The following FAAP20 variants were observed in gnomAD, a reference collection of about 807,000 sequenced individuals.
FAAP20 encodes the protein Fanconi anemia core complex-associated protein 20.
Under a neutral mutation model 16.2 loss-of-function variants are expected in FAAP20, and 12 were observed. The observed-to-expected ratio is 0.74, with a 90% CI of 0.48 to 1.20. FAAP20 has a LOEUF of 1.20. FAAP20 is among the 50% of genes most tolerant of loss of function. FAAP20 has a pLI of 0.00. For missense variants in FAAP20, 288 were observed against 245.8 expected, an observed-to-expected ratio of 1.17 and a Z score of -1.15; for synonymous variants, 141 against 110.7, an observed-to-expected ratio of 1.27 and a Z score of -1.72.
chr1:2,184,651 T>C (rs1687283592), downstream of FAAP20: 2 of 1,613,952 alleles, frequency 1.2e-6, no homozygotes, highest in Admixed American at 1.7e-5. Flanking sequence ...TGGACAACTT[T>C]GACACACAGT....
At chr1:2,206,968 GA>G (rs994602270) in intron 1 of FAAP20, among the ~76,000 whole-genome samples, 15 of 152,222 alleles carry the variant, frequency 9.9e-5, no homozygotes, top group African/African-American at 3.6e-4. Context: ...TGTCCAGGAG[GA>G]GGGGAGACTT....
chr1:2,194,733 C>T lies in FAAP20; in HGVS notation c.17G>A (p.Arg6Lys). 1 of 1,195,376 alleles carries T rather than the reference C, an allele frequency of 8.4e-7. No individual in the cohort carries two copies. Among genetic ancestry groups the T allele is most frequent in the Non-Finnish European group, 1.0e-6 (1 of 966,364 alleles). 74.0% of individuals were successfully genotyped at this position (1,195,376 alleles called of 1,614,324 possible). A position where few individuals can be genotyped will look rare whatever the true frequency, so the allele number is the denominator to read the frequency against. ...CCGGCGGCTCAACCCCAGCCGCGGC[C>T]TCCGCGCCGCCTCCATCCAAGCCCG... MEAAR[R>K]PRLGLSRRRP... Residue 6 changes from arginine to lysine, a missense_variant, in exon 1 of 4, where the codon AGG (arginine) becomes AAG (lysine). Physicochemically the swap from Arg to Lys is conservative, Grantham distance 26. Transcript: ENST00000378546.
chr1:2,201,292 G>T (rs770005035), upstream of FAAP20: 22 of 1,115,306 alleles, frequency 2.0e-5, no homozygotes, highest in Non-Finnish European at 2.5e-5. Context: ...TCAGGGACAC[G>T]CACGGTGAGC....
chr1:2,189,901 A>T, intron 3 of FAAP20, 120 bp from the exon 4 acceptor site: 1 of 817,210 alleles, frequency 1.2e-6, no homozygotes, highest in South Asian at 1.4e-5. Flanking sequence ...GCTGGTCAGA[A>T]ACAAGGGACG....
chr1:2,187,634 A>G (rs937304887), downstream of FAAP20, among the ~76,000 whole-genome samples: 1 of 152,172 alleles, frequency 6.6e-6, no homozygotes, highest in African/African-American at 2.4e-5. Context: ...GGCATATATC[A>G]GGGCAGTTTT....
chr1:2,193,686 G>A lies in FAAP20; in HGVS notation c.423C>T (p.Ala141=), dbSNP rs144632131. ...ACATGGGGCAGCTGCGCAGGGCCGC[G>A]GCACCCTCCACAGACGGCTGCTGCT... ...RVEQQPSVEG[A]AALRSCPMCQ... The change falls in exon 3 of 4, where the codon GCC becomes GCT. Residue 141 remains alanine (A), a synonymous_variant. Coordinates refer to ENST00000378546, the MANE Select transcript of FAAP20 (RefSeq NM_182533.4). 8.1e-6 allele frequency: 13 copies of A among 1,599,842 alleles called. No homozygotes were observed. The highest frequency in any genetic ancestry group is 4.1e-5 in the African/African-American group (3 of 73,976).
chr1:2,204,305 TC>T (rs2100747671), upstream of FAAP20, among the ~76,000 whole-genome samples: 1 of 152,344 alleles, frequency 6.6e-6, no homozygotes, highest in African/African-American at 2.4e-5. Context: ...TCCTGGCACA[TC>T]CTGAATGGAG....
chr1:2,188,071 T>C (rs964774006), downstream of FAAP20, among the ~76,000 whole-genome samples: 1 of 152,166 alleles, frequency 6.6e-6, no homozygotes, highest in African/African-American at 2.4e-5. Flanking sequence ...TCTGAGGCCA[T>C]GATTGAAAGG....
upstream of FAAP20, chr1:2,204,019 G>A (rs1045514669): frequency 1.3e-5 from 2 of 152,274 alleles, no homozygotes; most frequent in African/African-American, 4.8e-5. Flanking sequence ...GAGCACCCTG[G>A]GGCAGCCCCT....
intron 1 of FAAP20, 76 bp downstream of exon 1, chr1:2,194,612 G>A: frequency 2.4e-6 from 2 of 824,256 alleles, no homozygotes; most frequent in Non-Finnish European, 3.1e-6. Context: ...GAATAGAGCG[G>A]GAGGCCCGCG....
chr1:2,192,964 C>T, intron 3 of FAAP20: 1 of 1,304,042 alleles, frequency 7.7e-7, no homozygotes, highest in Non-Finnish European at 1.0e-6. Context: ...CATTCCCGAG[C>T]TGTTTTTGCT....
chr1:2,204,016 C>G (rs1689144246), upstream of FAAP20: 1 of 152,414 alleles, frequency 6.6e-6, no homozygotes, highest in South Asian at 2.1e-4. Flanking sequence ...TCCGAGCACC[C>G]TGGGGCAGCC....
downstream of FAAP20, chr1:2,185,863 A>T (rs1687517107): frequency 2.6e-6 from 1 of 386,048 alleles, no homozygotes; most frequent in African/African-American, 2.1e-5. Flanking sequence ...AGTTAGGGAA[A>T]ACTAAAAGAT....
upstream of FAAP20, chr1:2,197,917 G>A (rs929708042): frequency 2.3e-5 from 28 of 1,218,026 alleles, no homozygotes; most frequent in African/African-American, 2.7e-4. Flanking sequence ...ACAGCTTCCC[G>A]ACAGCTGCCT....
downstream of FAAP20, among the ~76,000 whole-genome samples, chr1:2,188,182 TCCAGAA>T (rs1183196080): frequency 6.6e-6 from 1 of 152,172 alleles, no homozygotes; most frequent in East Asian, 1.9e-4. Context: ...AGCCCGGCTC[TCCAGAA>T]CCTGGGGGCT....
chr1:2,187,307 T>TTC (rs1394042298), downstream of FAAP20: 1,034 of 393,930 alleles, frequency 2.6e-3, 9 homozygotes, highest in African/African-American at 0.015. Flanking sequence ...CTTTTTCTTT[T>TTC]TTTTTTCTTT....
At chr1:2,201,080 G>C (rs1175502568), upstream of FAAP20, 2 of 1,289,390 alleles carry the variant, frequency 1.6e-6, no homozygotes, top group Admixed American at 2.3e-5. Context: ...CTTGTCATAG[G>C]AAACTGTGCT....
upstream of FAAP20, chr1:2,200,833 A>G (rs1466888112): frequency 1.9e-6 from 2 of 1,050,384 alleles, no homozygotes; most frequent in Non-Finnish European, 2.3e-6. Flanking sequence ...AGGATCCCCC[A>G]AGGTCCTCCA....
At chr1:2,201,170 C>A (rs144787106), upstream of FAAP20, 6 of 1,261,810 alleles carry the variant, frequency 4.8e-6, no homozygotes, top group African/African-American at 9.2e-5. Context: ...GAGTGACGTG[C>A]AGACCTTCAC....
Sources: gnomAD v4.1 joint callset for allele counts (sites outside exome capture counted in the v4.1 genomes callset) on GRCh38, gnomAD v4.1.1 for gene constraint, MANE v1.5 for transcripts, NCBI Gene and HGNC (gene_info 2026-07-23, HGNC 2026-07-21) for gene names.